TENM2: variants seen among roughly 807,000 people sequenced by gnomAD.
TENM2 encodes the protein teneurin-2.
TENM2 carries 52 observed loss-of-function variants against 245.2 expected under a neutral mutation model. The observed-to-expected ratio is 0.21, with a 90% CI of 0.17 to 0.27. The LOEUF (loss-of-function observed/expected upper bound fraction) is 0.27, where lower values mean the gene tolerates loss of function less well. TENM2 is among the 10% of genes least tolerant of loss of function. The pLI is 1.00. For synonymous variants in TENM2, 1,363 were observed against 1,438.9 expected, an observed-to-expected ratio of 0.95 and a Z score of 1.19; for missense variants, 3,046 against 3,666.8, an observed-to-expected ratio of 0.83 and a Z score of 4.37.
At chr5:167,088,947 A>G in the TENM2 span, among the ~76,000 whole-genome samples, 1 of 152,226 alleles carries the variant, frequency 6.6e-6, no homozygotes, top group Non-Finnish European at 1.5e-5. Flanking sequence ...AGGAACTCCA[A>G]CGTTTCTGCA....
At chr5:168,098,113 C>T (rs191433288) in exon 9 of TENM2, 3 of 1,612,926 alleles carry the variant, frequency 1.9e-6, no homozygotes, top group Non-Finnish European at 1.7e-6. Flanking sequence ...TTTCTAGGAG[C>T]AGACTGTGCT....
chr5:167,211,734 A>G, the TENM2 span, among the ~76,000 whole-genome samples: 3 of 152,198 alleles, frequency 2.0e-5, no homozygotes, highest in Non-Finnish European at 4.4e-5. Context: ...CTGACTGATC[A>G]TGGTAACAAT....
chr5:168,131,154 C>T (rs892252956), intron 12 of TENM2, among the ~76,000 whole-genome samples: 3 of 152,144 alleles, frequency 2.0e-5, no homozygotes, highest in Non-Finnish European at 4.4e-5. Context: ...TGGACTCTTG[C>T]AATTATCTCC....
At chr5:167,318,617 G>A (rs369412317) in intron 1 of TENM2, among the ~76,000 whole-genome samples, 1 of 152,106 alleles carries the variant, frequency 6.6e-6, no homozygotes, top group Admixed American at 6.5e-5. Context: ...TCAAAATAGG[G>A]CCTTACTGCC....
chr5:167,602,881 G>T (rs532679299), intron 2 of TENM2, among the ~76,000 whole-genome samples: 1 of 152,262 alleles, frequency 6.6e-6, no homozygotes, highest in South Asian at 2.1e-4. Flanking sequence ...GGTAGTAAGT[G>T]GTCATGAGGA....
At chr5:167,071,537 A>G in the TENM2 span, among the ~76,000 whole-genome samples, 10 of 152,270 alleles carry the variant, frequency 6.6e-5, no homozygotes, top group East Asian at 1.9e-3. Context: ...AGTCTTGTCA[A>G]TTTGTCTTTT....
At chr5:167,475,717 C>T (rs943279485) in intron 2 of TENM2, among the ~76,000 whole-genome samples, 19 of 151,958 alleles carry the variant, frequency 1.3e-4, no homozygotes, top group African/African-American at 4.6e-4. Flanking sequence ...TCTCATTGTT[C>T]AGCTCCCACT....
chr5:167,290,757 A>T (rs1022533484), intron 1 of TENM2, among the ~76,000 whole-genome samples: 10 of 143,700 alleles, frequency 7.0e-5, no homozygotes, highest in African/African-American at 2.6e-4. Flanking sequence ...CTAGTCAGAC[A>T]ATTTTACAAG....
the TENM2 span, among the ~76,000 whole-genome samples, chr5:167,100,200 C>T: frequency 6.6e-6 from 1 of 152,160 alleles, no homozygotes; most frequent in Non-Finnish European, 1.5e-5. Context: ...TTAATTATAG[C>T]TATTATACAG....
At chr5:166,990,484 G>T in the TENM2 span, among the ~76,000 whole-genome samples, 1 of 152,086 alleles carries the variant, frequency 6.6e-6, no homozygotes, top group Non-Finnish European at 1.5e-5. Context: ...TTCTCACATG[G>T]TTGGTATTTT....
intron 14 of TENM2, among the ~76,000 whole-genome samples, chr5:168,194,884 A>G (rs2152518961): frequency 6.6e-6 from 1 of 152,302 alleles, no homozygotes; most frequent in East Asian, 1.9e-4. Flanking sequence ...ATGATGAGGG[A>G]CAGCCTGAAG....
chr5:167,431,958 T>TAC (rs1764266484), intron 2 of TENM2, among the ~76,000 whole-genome samples: 1 of 55,426 alleles, frequency 1.8e-5, no homozygotes, highest in Non-Finnish European at 4.4e-5. Flanking sequence ...TGTATATATA[T>TAC]ATGTATATAT....
intron 2 of TENM2, among the ~76,000 whole-genome samples, chr5:167,675,710 C>T (rs188882092): frequency 1.2e-4 from 18 of 152,134 alleles, no homozygotes; most frequent in African/African-American, 2.6e-4. Flanking sequence ...TTTCTATCAA[C>T]ATAGTGGGAA....
At chr5:167,743,036 G>A (rs1473861991) in intron 2 of TENM2, among the ~76,000 whole-genome samples, 3 of 151,924 alleles carry the variant, frequency 2.0e-5, no homozygotes, top group Admixed American at 1.3e-4. Flanking sequence ...CCCATTCTGA[G>A]CCGCCATATC....
At chr5:167,043,415 G>C in the TENM2 span, among the ~76,000 whole-genome samples, 3 of 152,144 alleles carry the variant, frequency 2.0e-5, no homozygotes, top group South Asian at 2.1e-4. Flanking sequence ...GTTTCAAGGA[G>C]GAGGTAATTT....
intron 26 of TENM2, among the ~76,000 whole-genome samples, 174 bp from the exon 29 acceptor site, chr5:168,246,583 T>C (rs567709832): frequency 2.6e-5 from 4 of 152,218 alleles, no homozygotes; most frequent in Non-Finnish European, 4.4e-5. Flanking sequence ...GCAACCACCA[T>C]GATCCATCAA....
At chr5:167,207,200 A>C in the TENM2 span, among the ~76,000 whole-genome samples, 2 of 152,192 alleles carry the variant, frequency 1.3e-5, no homozygotes, top group Admixed American at 1.3e-4. Flanking sequence ...AGAAATTGGC[A>C]GACTTCCCCA....
In TENM2 at chr5:168,186,481, A is replaced by G. The variant is rs138294951; in HGVS notation, c.2570-3856A>G. 67 of 152,242 alleles carry G rather than the reference A, an allele frequency of 4.4e-4. 3 individuals are homozygous for G. The East Asian group carries it at 0.012, about 28-fold the overall frequency. 9.4% of individuals were successfully genotyped at this position (152,242 alleles called of 1,614,324 possible). A position where few individuals can be genotyped will look rare whatever the true frequency, so the allele number is the denominator to read the frequency against. On this transcript the variant is annotated intron_variant, in intron 13 of 28. Transcript: ENST00000518659. ...CGTTCTGACAGAAAACACCTAGATA[A>G]TTCTTTTTGGCCCCGTTTCACTGAG... is the stretch of plus-strand genomic sequence containing the variant.
At chr5:167,378,269 A>G (rs1014789702) in intron 2 of TENM2, among the ~76,000 whole-genome samples, 2 of 152,098 alleles carry the variant, frequency 1.3e-5, no homozygotes, top group Admixed American at 1.3e-4. Flanking sequence ...AGTTCTCCCT[A>G]GATCAATGTT....
Sources: allele counts gnomAD v4.1 joint callset (sites outside exome capture counted in the v4.1 genomes callset), GRCh38; gene constraint gnomAD v4.1.1; transcripts MANE v1.5; gene names NCBI Gene and HGNC (gene_info 2026-07-23, HGNC 2026-07-21).